The following FGF12 variants were observed in gnomAD, a reference collection of about 807,000 sequenced individuals.
FGF12 encodes fibroblast growth factor 12, also known as fibroblast growth factor 12B.
A neutral mutation model predicts 23.6 loss-of-function variants in FGF12; 14 were observed. That is an observed-to-expected ratio of 0.59 (90% CI 0.39 to 0.93). The LOEUF (loss-of-function observed/expected upper bound fraction) is 0.93, where lower values mean the gene tolerates loss of function less well. FGF12 is among the 40% of genes least tolerant of loss of function. FGF12 has a pLI of 0.00. For synonymous variants in FGF12, 62 were observed against 77.3 expected, an observed-to-expected ratio of 0.80 and a Z score of 1.04; for missense variants, 175 against 217.8, an observed-to-expected ratio of 0.80 and a Z score of 1.24.
chr3:192,410,053 G>A (rs1291316714), intron 2 of FGF12, among the ~76,000 whole-genome samples: 1 of 150,678 alleles, frequency 6.6e-6, no homozygotes, highest in Non-Finnish European at 1.5e-5. Context: ...CTCGGGGCCC[G>A]GGCGAGAGCC....
intron 4 of FGF12, among the ~76,000 whole-genome samples, chr3:192,296,838 A>T (rs1038866520): frequency 3.3e-5 from 5 of 152,218 alleles, no homozygotes; most frequent in Non-Finnish European, 7.3e-5. Flanking sequence ...CATGTGGAGT[A>T]CTTAGTTTAT....
At chr3:192,221,135 C>A (rs1355446119) in intron 4 of FGF12, among the ~76,000 whole-genome samples, 2 of 152,178 alleles carry the variant, frequency 1.3e-5, no homozygotes. Context: ...GGATTTTACT[C>A]AAAACACACA....
At chr3:192,170,319 G>T in intron 5 of FGF12, 139 bp downstream of exon 5, 3 of 637,814 alleles carry the variant, frequency 4.7e-6, no homozygotes, top group Non-Finnish European at 8.2e-6. Context: ...ATACTATTGT[G>T]TTCTCTGAAT....
At chr3:192,520,467 A>G (rs1157084129) in intron 2 of FGF12, among the ~76,000 whole-genome samples, 1 of 152,168 alleles carries the variant, frequency 6.6e-6, no homozygotes, top group East Asian at 1.9e-4. Context: ...GTATTTATGT[A>G]CACTTATTTT....
At chr3:192,620,495 G>A (rs1195708179) in intron 2 of FGF12, among the ~76,000 whole-genome samples, 1 of 152,060 alleles carries the variant, frequency 6.6e-6, no homozygotes, top group Non-Finnish European at 1.5e-5. Flanking sequence ...AAAACTATAC[G>A]GTAGGAAAAA....
At chr3:192,264,103 A>G (rs2108620408) in intron 4 of FGF12, among the ~76,000 whole-genome samples, 1 of 152,184 alleles carries the variant, frequency 6.6e-6, no homozygotes, top group Non-Finnish European at 1.5e-5. Context: ...CCCATCAAGT[A>G]AACTAATATC....
rs184687861 is a variant in FGF12 at position 192,550,618 on chromosome 3, A to G, written c.13+176563T>C. On this transcript the variant is annotated intron_variant, in intron 2 of 5. Coordinates refer to ENST00000445105, the MANE Select transcript of FGF12 (RefSeq NM_004113.6). ...GAGGGCCGTTTCAGACAAAGAGAAA[A>G]TTACATAGGTAGGGTATAGTTTTAA... Among the ~76,000 whole-genome samples, 497 of 152,106 alleles carry G rather than the reference A, an allele frequency of 3.3e-3. 4 individuals are homozygous for G. The highest frequency in any genetic ancestry group is 0.011 in the African/African-American group (475 of 41,534).
chr3:192,527,328 A>G (rs1193790603), intron 2 of FGF12, among the ~76,000 whole-genome samples: 1 of 152,272 alleles, frequency 6.6e-6, no homozygotes, highest in African/African-American at 2.4e-5. Flanking sequence ...CAGAAAATAA[A>G]CTAAGATGAT....
chr3:192,236,514 G>A (rs1045753209), intron 4 of FGF12, among the ~76,000 whole-genome samples: 15 of 152,222 alleles, frequency 9.9e-5, no homozygotes, highest in Middle Eastern at 3.4e-3. Context: ...AGGTCTGCAG[G>A]AACTTTTATG....
chr3:192,229,213 A>G (rs2108582152), intron 4 of FGF12, among the ~76,000 whole-genome samples: 1 of 152,150 alleles, frequency 6.6e-6, no homozygotes, highest in South Asian at 2.1e-4. Context: ...CACAGAAGGA[A>G]TAGATGAAAG....
At position 192,339,425 on chromosome 3, in the gene FGF12, C is replaced by CAGTG. The variant is rs375756408; in HGVS notation, c.125-3965_125-3962dup. ...AAGCCATTTTCCTGCTTACAACCTG[C>CAGTG]AGTGATTCCTCCCTGTCTCCAATGT... On this transcript the variant is annotated intron_variant, in intron 3 of 5. Coordinates refer to ENST00000445105, the MANE Select transcript of FGF12 (RefSeq NM_004113.6). Among the ~76,000 whole-genome samples, 620 of 152,268 alleles carry CAGTG rather than the reference C, an allele frequency of 4.1e-3. 6 individuals are homozygous for CAGTG. Among genetic ancestry groups the CAGTG allele is most frequent in the African/African-American group, 0.013 (560 of 41,548 alleles).
intron 4 of FGF12, among the ~76,000 whole-genome samples, chr3:192,282,504 G>A (rs961770466): frequency 2.0e-5 from 3 of 152,040 alleles, no homozygotes; most frequent in Non-Finnish European, 4.4e-5. Flanking sequence ...TTAAGGAGTG[G>A]CTAAGTGTAC....
chr3:192,146,991 G>A (rs1264860056), intron 5 of FGF12, among the ~76,000 whole-genome samples: 1 of 152,150 alleles, frequency 6.6e-6, no homozygotes, highest in African/African-American at 2.4e-5. Context: ...CCTAGTTCAT[G>A]TCCCAGTTAG....
At chr3:192,588,029 A>G (rs2108619479) in intron 2 of FGF12, among the ~76,000 whole-genome samples, 1 of 151,862 alleles carries the variant, frequency 6.6e-6, no homozygotes, top group South Asian at 2.1e-4. Context: ...TATTTTATAG[A>G]AGTTTTTAAC....
Position 192,278,509 on chromosome 3 carries a change from C to G in FGF12, c.228+56852G>C, listed in dbSNP as rs189395519. The stretch of plus-strand genomic sequence containing the variant: ...GAGCTCATCCTATATTTTGACTGAA[C>G]GGCATTCCCAAAGCTGGTCAAGACA... On this transcript the variant is annotated intron_variant, in intron 4 of 5. Coordinates refer to ENST00000445105, the MANE Select transcript of FGF12 (RefSeq NM_004113.6). Among the ~76,000 whole-genome samples the G allele has an allele frequency of 8.5e-5, 13 of 152,266 alleles. No homozygotes were observed. In the East Asian group the frequency reaches 2.5e-3, roughly 29 times the overall value.
At chr3:192,297,372 C>T (rs1349205438) in intron 4 of FGF12, among the ~76,000 whole-genome samples, 1 of 152,194 alleles carries the variant, frequency 6.6e-6, no homozygotes, top group Non-Finnish European at 1.5e-5. Flanking sequence ...TCAAAGACCA[C>T]ATCCTGTGTT....
chr3:192,641,666 A>G (rs1715812994), intron 2 of FGF12, among the ~76,000 whole-genome samples: 1 of 152,228 alleles, frequency 6.6e-6, no homozygotes, highest in Non-Finnish European at 1.5e-5. Context: ...TTGGCCTCCC[A>G]AAATGCTGGG....
intron 2 of FGF12, chr3:192,407,910 G>A: frequency 1.8e-6 from 2 of 1,113,582 alleles, no homozygotes; most frequent in South Asian, 1.5e-5. Context: ...AGAGAAGAGG[G>A]GTCAGAATGT....
At chr3:192,643,523 T>G (rs1577095228) in intron 2 of FGF12, among the ~76,000 whole-genome samples, 1 of 152,300 alleles carries the variant, frequency 6.6e-6, no homozygotes, top group Non-Finnish European at 1.5e-5. Context: ...CTCATTCTAC[T>G]CCCAAACCAG....
Sources: allele counts gnomAD v4.1 joint callset (sites outside exome capture counted in the v4.1 genomes callset), GRCh38; gene constraint gnomAD v4.1.1; transcripts MANE v1.5; gene names NCBI Gene and HGNC (gene_info 2026-07-23, HGNC 2026-07-21).